The following CALN1 variants were observed in gnomAD, a reference collection of about 807,000 sequenced individuals.
The protein encoded by CALN1 is calneuron 1, also known as calcium-binding protein 8.
In CALN1, 17 loss-of-function variants were observed where a neutral mutation model predicts 30.6. The ratio of observed to expected loss-of-function variants is 0.56; its 90% CI spans 0.38 to 0.83. The LOEUF is 0.83. Among genes scored for constraint, CALN1 ranks in the 40% least tolerant of loss-of-function variants. The probability of loss-of-function intolerance (pLI) is 0.00; values close to 1 mark genes in which losing one functional copy is unlikely to be tolerated. For missense variants in CALN1, 291 were observed against 354.9 expected (o/e 0.82, Z 1.45); for synonymous variants, 156 against 131.4 (o/e 1.19, Z -1.28).
intron 2 of CALN1, among the ~76,000 whole-genome samples, chr7:72,382,460 AT>A (rs922431650): frequency 2.0e-5 from 3 of 152,196 alleles, no homozygotes; most frequent in East Asian, 1.9e-4. Context: ...TTAGAATTGC[AT>A]TTTTTTATTT....
intron 3 of CALN1, among the ~76,000 whole-genome samples, chr7:72,126,223 A>G (rs973781002): frequency 2.6e-5 from 4 of 151,812 alleles, no homozygotes; most frequent in Middle Eastern, 3.2e-3. Flanking sequence ...CAACTCCATA[A>G]AAGTTGCTTC....
chr7:71,863,557 C>CAAAAAAAAAAAAAAAAAAAAAAAA (rs71531769), intron 5 of CALN1, among the ~76,000 whole-genome samples: 1 of 32,212 alleles, frequency 3.1e-5, no homozygotes, highest in East Asian at 1.6e-3. Flanking sequence ...AACTCCATCT[C>CAAAAAAAAAAAAAAAAAAAAAAAA]AAAAAAAAAA....
At chr7:72,340,615 G>C (rs7786833) in intron 2 of CALN1, among the ~76,000 whole-genome samples, 7 of 151,958 alleles carry the variant, frequency 4.6e-5, no homozygotes, top group Non-Finnish European at 8.8e-5. Context: ...TACTGCACTG[G>C]GTGAGCAGCC....
rs1562912478 is a variant in CALN1 at position 72,349,301 on chromosome 7, TG to T, written c.119+53949del. 9.9e-5 allele frequency among the ~76,000 whole-genome samples: 15 copies of T among 151,476 alleles called. 1 individual carries two copies. The Middle Eastern group carries it at 0.017, about 173-fold the overall frequency. On this transcript the variant is annotated intron_variant, in intron 2 of 6. Coordinates refer to ENST00000395275, the MANE Select transcript of CALN1 (RefSeq NM_031468.4). ...GCGTGCTTGTGTGTGTGTGTGTGTGTGTGTGTGTGTGTGTGTGTGTGTTGGG... is the reference window on the plus strand; with the variant it reads ...GCGTGCTTGTGTGTGTGTGTGTGTGTTGTGTGTGTGTGTGTGTGTGTTGGG...
chr7:72,034,173 G>GA (rs1801634358), intron 4 of CALN1, among the ~76,000 whole-genome samples: 1 of 151,678 alleles, frequency 6.6e-6, no homozygotes, highest in Non-Finnish European at 1.5e-5. Context: ...CTAACACGGT[G>GA]GAACCCCGTC....
chr7:72,300,981 G>A (rs1050914347), intron 2 of CALN1, among the ~76,000 whole-genome samples: 2 of 151,848 alleles, frequency 1.3e-5, no homozygotes, highest in Non-Finnish European at 2.9e-5. Flanking sequence ...GTGACAGAGT[G>A]AGACTCTGTC....
intron 6 of CALN1, among the ~76,000 whole-genome samples, chr7:71,790,404 GAAAGAA>G (rs1554337104): frequency 7.9e-6 from 1 of 126,136 alleles, no homozygotes; most frequent in Non-Finnish European, 1.6e-5. Flanking sequence ...AAGAAAGAAA[GAAAGAA>G]AGAAAGAAAG....
intron 5 of CALN1, among the ~76,000 whole-genome samples, chr7:71,904,372 G>C (rs1794018128): frequency 6.6e-6 from 1 of 152,160 alleles, no homozygotes; most frequent in African/African-American, 2.4e-5. Flanking sequence ...CCATGAAAAA[G>C]AATAAAATCT....
At chr7:72,085,400 C>A (rs1805418356) in intron 4 of CALN1, among the ~76,000 whole-genome samples, 1 of 152,078 alleles carries the variant, frequency 6.6e-6, no homozygotes, top group Non-Finnish European at 1.5e-5. Flanking sequence ...CCTTTTTTTA[C>A]AGTATATTGT....
intron 4 of CALN1, among the ~76,000 whole-genome samples, chr7:72,065,556 C>T (rs1803963056): frequency 6.6e-6 from 1 of 152,152 alleles, no homozygotes; most frequent in South Asian, 2.1e-4. Context: ...AATCCCATCT[C>T]GGATTCATTA....
chr7:72,138,188 T>A (rs1809638135), intron 3 of CALN1, among the ~76,000 whole-genome samples: 1 of 152,082 alleles, frequency 6.6e-6, no homozygotes, highest in African/African-American at 2.4e-5. Context: ...TCAAAACATG[T>A]GCCTAAGGGA....
intron 5 of CALN1, among the ~76,000 whole-genome samples, chr7:71,827,866 G>A (rs564066104): frequency 9.2e-5 from 14 of 152,138 alleles, no homozygotes; most frequent in African/African-American, 3.1e-4. Context: ...GGAACATAGA[G>A]GAGGCAAGGG....
chr7:71,927,749 T>G (rs1795341660), intron 5 of CALN1, among the ~76,000 whole-genome samples: 1 of 152,180 alleles, frequency 6.6e-6, no homozygotes, highest in Non-Finnish European at 1.5e-5. Flanking sequence ...TAGTCCAGCC[T>G]TGGTCTTAGG....
intron 5 of CALN1, among the ~76,000 whole-genome samples, chr7:71,853,184 C>T (rs1227883802): frequency 6.6e-6 from 1 of 152,020 alleles, no homozygotes; most frequent in Non-Finnish European, 1.5e-5. Context: ...TCAAGCAATC[C>T]TCCTGGCTGA....
chr7:72,163,391 T>TAAAAAAAAAAAAAAA (rs1563111506), intron 3 of CALN1, among the ~76,000 whole-genome samples: 13 of 130,420 alleles, frequency 1.0e-4, no homozygotes, highest in African/African-American at 2.6e-4. Context: ...TTATTGGAGA[T>TAAAAAAAAAAAAAAA]TAAAAAAAAA....
At chr7:72,088,885 T>C (rs1805667013) in intron 4 of CALN1, among the ~76,000 whole-genome samples, 3 of 152,208 alleles carry the variant, frequency 2.0e-5, no homozygotes, top group East Asian at 3.9e-4. Context: ...GTGTGAAAGA[T>C]ATTCTCAGAT....
At chr7:72,377,535 A>T (rs1804642886) in intron 2 of CALN1, among the ~76,000 whole-genome samples, 2 of 151,978 alleles carry the variant, frequency 1.3e-5, no homozygotes, top group South Asian at 4.2e-4. Context: ...ATAAAGGAAT[A>T]ATTATGGAAA....
intron 3 of CALN1, among the ~76,000 whole-genome samples, chr7:72,131,802 T>A (rs921891683): frequency 1.3e-5 from 2 of 152,192 alleles, no homozygotes; most frequent in African/African-American, 4.8e-5. Flanking sequence ...ACCCAACTAG[T>A]TACGTTGCCT....
At chr7:71,798,930 C>CTCTATT (rs1455039873) in intron 6 of CALN1, among the ~76,000 whole-genome samples, 1 of 151,966 alleles carries the variant, frequency 6.6e-6, no homozygotes, top group African/African-American at 2.4e-5. Flanking sequence ...AGCTGAGAGT[C>CTCTATT]TTGATGAATA....
Sources: gnomAD v4.1 joint callset for allele counts (sites outside exome capture counted in the v4.1 genomes callset) on GRCh38, gnomAD v4.1.1 for gene constraint, MANE v1.5 for transcripts, NCBI Gene and HGNC (gene_info 2026-07-23, HGNC 2026-07-21) for gene names.